Variants in SIMC1 observed in about 807,000 individuals in gnomAD.
The protein encoded by SIMC1 is SUMO interacting motifs containing 1, also known as SUMO-interacting motif-containing protein 1.
In SIMC1, 55 loss-of-function variants were observed where a neutral mutation model predicts 82.3. The observed-to-expected ratio is 0.67, with a 90% CI of 0.54 to 0.84. SIMC1 has a LOEUF of 0.84. Ranked by LOEUF, SIMC1 falls within the 40% of genes least tolerant of loss-of-function variation. The pLI is 0.00. For missense variants in SIMC1, 915 were observed against 1,107.2 expected, an observed-to-expected ratio of 0.83 and a Z score of 2.46; for synonymous variants, 353 against 426.3, an observed-to-expected ratio of 0.83 and a Z score of 2.12.
At chr5:176,298,507 G>A (rs1267233294) in intron 4 of SIMC1, among the ~76,000 whole-genome samples, 1 of 152,176 alleles carries the variant, frequency 6.6e-6, no homozygotes, top group African/African-American at 2.4e-5. Flanking sequence ...GGTGGTGCAT[G>A]CCTGCAGTCT....
At chr5:176,271,968 G>A (rs1210043484) in intron 1 of SIMC1, among the ~76,000 whole-genome samples, 4 of 142,076 alleles carry the variant, frequency 2.8e-5, no homozygotes, top group Non-Finnish European at 4.5e-5. Context: ...TGTATATAAT[G>A]TATATATTAT....
chr5:176,272,199 GGT>G (rs1762472204), intron 1 of SIMC1, among the ~76,000 whole-genome samples: 2 of 37,622 alleles, frequency 5.3e-5, no homozygotes, highest in African/African-American at 1.4e-4. Flanking sequence ...AAAAAAAAAA[GGT>G]GGGCATGGTG....
Position 176,322,354 on chromosome 5 carries a change from A to G in SIMC1, c.1971A>G (p.Gly657=). ...CAAATGGAAATCAAACGTCTTCAGG[A>G]ACAGGAATCTTGAAAGCCAGCAGTA... ...QPPNGNQTSS[G]TGILKASSSH... Residue 657 remains glycine, a synonymous_variant, in exon 6 of 10, where the codon GGA becomes GGG. Coordinates refer to ENST00000429602, the MANE Select transcript of SIMC1 (RefSeq NM_001308195.2). 6.2e-7 allele frequency: 1 copy of G among 1,603,284 alleles called. No homozygotes were observed. Among genetic ancestry groups the G allele is most frequent in the South Asian group, 1.1e-5 (1 of 88,588 alleles).
At chr5:176,301,005 C>G (rs1413004568) in intron 4 of SIMC1, among the ~76,000 whole-genome samples, 4 of 152,118 alleles carry the variant, frequency 2.6e-5, no homozygotes, top group Non-Finnish European at 4.4e-5. Flanking sequence ...GTAAATTTGG[C>G]CAAACATTTA....
At chr5:176,268,808 A>G (rs531381648) in intron 1 of SIMC1, among the ~76,000 whole-genome samples, 75 of 152,320 alleles carry the variant, frequency 4.9e-4, no homozygotes, top group African/African-American at 1.7e-3. Context: ...GAAAAACACT[A>G]TTAACTACCA....
intron 1 of SIMC1, among the ~76,000 whole-genome samples, chr5:176,245,970 A>G (rs1236437002): frequency 6.6e-6 from 1 of 150,476 alleles, no homozygotes; most frequent in Non-Finnish European, 1.5e-5. Flanking sequence ...TTTGTGCATA[A>G]TAATCCTCCC....
At chr5:176,264,200 C>T (rs935928632) in intron 1 of SIMC1, among the ~76,000 whole-genome samples, 2 of 152,252 alleles carry the variant, frequency 1.3e-5, no homozygotes, top group Non-Finnish European at 2.9e-5. Context: ...GAAAATACAA[C>T]CTGCTGGTGG....
At chr5:176,249,941 T>A (rs1244426835) in intron 1 of SIMC1, among the ~76,000 whole-genome samples, 1 of 152,070 alleles carries the variant, frequency 6.6e-6, no homozygotes, top group African/African-American at 2.4e-5. Context: ...TGATCTTAGT[T>A]ATTTCTTGCC....
At chr5:176,298,719 G>C (rs951663052) in intron 4 of SIMC1, among the ~76,000 whole-genome samples, 1 of 152,160 alleles carries the variant, frequency 6.6e-6, no homozygotes, top group Non-Finnish European at 1.5e-5. Context: ...AAGAAGTAGA[G>C]GTTTTTGTAT....
intron 4 of SIMC1, among the ~76,000 whole-genome samples, chr5:176,305,172 G>C (rs1454305773): frequency 2.1e-4 from 11 of 52,052 alleles, no homozygotes; most frequent in South Asian, 6.6e-4. Context: ...GGCCAGCCGT[G>C]CCGTCCGGGA....
At chr5:176,273,640 G>C (rs938494401) in intron 1 of SIMC1, among the ~76,000 whole-genome samples, 1 of 152,168 alleles carries the variant, frequency 6.6e-6, no homozygotes, top group African/African-American at 2.4e-5. Flanking sequence ...ATCTCCCAAT[G>C]CTATCCCTCC....
intron 2 of SIMC1, among the ~76,000 whole-genome samples, chr5:176,292,603 C>G (rs1316015464): frequency 6.6e-6 from 1 of 151,946 alleles, no homozygotes; most frequent in Non-Finnish European, 1.5e-5. Flanking sequence ...TACAGTGGTA[C>G]GATCTCAGCT....
chr5:176,273,359 C>T (rs1762530830), intron 1 of SIMC1, among the ~76,000 whole-genome samples: 2 of 152,184 alleles, frequency 1.3e-5, no homozygotes, highest in South Asian at 4.1e-4. Context: ...AACAAACCTA[C>T]AGCTAAGGGT....
intron 7 of SIMC1, among the ~76,000 whole-genome samples, chr5:176,335,561 A>G (rs1374384267): frequency 1.3e-5 from 2 of 151,598 alleles, no homozygotes; most frequent in African/African-American, 2.4e-5. Flanking sequence ...TACAGGCATG[A>G]GCCACCACGC....
At chr5:176,345,146 G>T (rs1401710232) in intron 9 of SIMC1, 37 bp from the exon 10 acceptor site, 1 of 1,594,504 alleles carries the variant, frequency 6.3e-7, no homozygotes, top group East Asian at 2.2e-5. Context: ...TTAAAAAGCA[G>T]TTCAGAGCAC....
chr5:176,254,931 G>A (rs1274970599), intron 1 of SIMC1, among the ~76,000 whole-genome samples: 1,150 of 143,790 alleles, frequency 8.0e-3, no homozygotes, highest in African/African-American at 0.014. Flanking sequence ...AAACTAATAA[G>A]TAGCTTAAGA....
chr5:176,280,041 G>A (rs890438356), intron 1 of SIMC1, among the ~76,000 whole-genome samples: 7 of 151,992 alleles, frequency 4.6e-5, no homozygotes, highest in African/African-American at 9.7e-5. Context: ...TTGACTTTCT[G>A]TCTTGTTGAT....
intron 9 of SIMC1, among the ~76,000 whole-genome samples, chr5:176,343,719 G>A (rs1047144605): frequency 4.6e-5 from 7 of 152,114 alleles, no homozygotes; most frequent in East Asian, 1.9e-4. Context: ...TCTCCTAAGC[G>A]TAAGGATATT....
rs112459592 is a variant in SIMC1, at chr5:176,341,156, T to G, written c.2413+4010T>G. ...AGCAAGACTCCATCTCAAAAAGAAA[T>G]AAATAAAAGACATGAAGTAATGGTG... On this transcript the variant is annotated intron_variant, in intron 9 of 9. Coordinates refer to ENST00000429602, the MANE Select transcript of SIMC1 (RefSeq NM_001308195.2). 9.5e-4 allele frequency among the ~76,000 whole-genome samples: 144 copies of G among 151,960 alleles called. 1 individual carries two copies. The Middle Eastern group carries it at 0.017, about 18-fold the overall frequency.
Sources: gnomAD v4.1 joint callset for allele counts (sites outside exome capture counted in the v4.1 genomes callset) on GRCh38, gnomAD v4.1.1 for gene constraint, MANE v1.5 for transcripts, NCBI Gene and HGNC (gene_info 2026-07-23, HGNC 2026-07-21) for gene names.